Variants in NRXN3 observed in about 807,000 individuals in gnomAD.
NRXN3 encodes neurexin 3.
In NRXN3, 32 loss-of-function variants were observed where a neutral mutation model predicts 137.6. The observed-to-expected ratio is 0.23, with a 90% CI of 0.18 to 0.31. The LOEUF (loss-of-function observed/expected upper bound fraction) is 0.31. NRXN3 is among the 10% of genes least tolerant of loss of function. The pLI, the probability that NRXN3 is intolerant of heterozygous loss-of-function variation, is 1.00. For missense variants in NRXN3, 1,574 were observed against 2,062.5 expected, an observed-to-expected ratio of 0.76 and a Z score of 4.59; for synonymous variants, 798 against 784.5, an observed-to-expected ratio of 1.02 and a Z score of -0.29.
In NRXN3 at chr14:79,089,523, C is replaced by T. The variant is rs142062926; in HGVS notation, c.3262+101382C>T. On this transcript the variant is annotated intron_variant, in intron 15 of 20. Transcript: ENST00000335750. ...CCTTGTTCAACAGTTATTTCATACA[C>T]GAATGAGAAAGGCCAAACATAGTCA... Among the ~76,000 whole-genome samples the T allele has an allele frequency of 2.2e-4, 34 of 152,262 alleles. No homozygotes were observed. In the East Asian group the frequency reaches 6.4e-3, roughly 29 times the overall value.
intron 14 of NRXN3, among the ~76,000 whole-genome samples, chr14:78,976,528 C>G (rs775675176): frequency 2.6e-5 from 4 of 152,190 alleles, no homozygotes; most frequent in Middle Eastern, 3.4e-3. Context: ...TTTAATTCCC[C>G]AACTGTCTTT....
chr14:79,114,803 C>G (rs1018013871), intron 15 of NRXN3, among the ~76,000 whole-genome samples: 11 of 152,098 alleles, frequency 7.2e-5, no homozygotes, highest in African/African-American at 2.7e-4. Context: ...GCTGAGATTA[C>G]AGGTGTGAGC....
intron 4 of NRXN3, among the ~76,000 whole-genome samples, chr14:78,599,229 G>C (rs1369242867): frequency 6.6e-6 from 1 of 152,212 alleles, no homozygotes; most frequent in Non-Finnish European, 1.5e-5. Context: ...AAGGAAATGA[G>C]GGGAAATAGC....
intron 11 of NRXN3, among the ~76,000 whole-genome samples, chr14:78,964,838 C>A (rs1466336147): frequency 2.6e-5 from 4 of 151,684 alleles, no homozygotes; most frequent in Admixed American, 2.6e-4. Flanking sequence ...TCACTCACCA[C>A]TTCTAGGTAA....
intron 15 of NRXN3, among the ~76,000 whole-genome samples, chr14:79,230,074 C>G (rs527667128): frequency 2.0e-5 from 3 of 152,278 alleles, no homozygotes; most frequent in African/African-American, 7.2e-5. Context: ...ATGCAGCAAT[C>G]TGCTGCACTT....
At chr14:79,848,283 G>A (rs774228969) in intron 20 of NRXN3, among the ~76,000 whole-genome samples, 18 of 152,160 alleles carry the variant, frequency 1.2e-4, no homozygotes, top group Non-Finnish European at 2.5e-4. Context: ...TCTTAGTCTT[G>A]CCACTGTGTG....
At chr14:78,316,017 A>G (rs1165623473) in intron 4 of NRXN3, among the ~76,000 whole-genome samples, 2 of 152,156 alleles carry the variant, frequency 1.3e-5, no homozygotes, top group African/African-American at 2.4e-5. Context: ...TCTTGTAGCT[A>G]GAGGTTGGCC....
chr14:78,394,042 C>G (rs938555229), intron 4 of NRXN3, among the ~76,000 whole-genome samples: 1 of 151,812 alleles, frequency 6.6e-6, no homozygotes, highest in Non-Finnish European at 1.5e-5. Context: ...ATGTTATCTG[C>G]AAATAATGAC....
chr14:78,306,754 C>G (rs1190215090), intron 4 of NRXN3, among the ~76,000 whole-genome samples: 2 of 152,114 alleles, frequency 1.3e-5, no homozygotes, highest in African/African-American at 2.4e-5. Context: ...AGCAGATCCT[C>G]TGCTTCAATA....
chr14:78,861,750 C>G (rs948580659), intron 10 of NRXN3, among the ~76,000 whole-genome samples: 70 of 152,052 alleles, frequency 4.6e-4, no homozygotes, highest in African/African-American at 1.3e-3. Context: ...TAATTCAATA[C>G]TGTTTTAAAC....
rs2061054509 is a variant in NRXN3 at position 79,164,049 on chromosome 14, T to C, written c.3262+175908T>C. On this transcript the variant is annotated intron_variant, in intron 15 of 20. Coordinates refer to ENST00000335750, the MANE Select transcript of NRXN3 (RefSeq NM_001330195.2). The stretch of plus-strand genomic sequence containing the variant: ...TTGTCTTGAACATCTTACTCTGACC[T>C]CACTAGCTCTTCACTTACCAATTTG... 3.9e-5 allele frequency among the ~76,000 whole-genome samples: 6 copies of C among 151,936 alleles called. No homozygotes were observed. The South Asian group carries it at 1.2e-3, about 31-fold the overall frequency.
At chr14:78,366,480 TC>T (rs930953873) in intron 4 of NRXN3, among the ~76,000 whole-genome samples, 1 of 152,240 alleles carries the variant, frequency 6.6e-6, no homozygotes, top group African/African-American at 2.4e-5. Context: ...AGAAGTAATT[TC>T]CCATAATTCC....
At chr14:78,240,305 C>CTTGA (rs1027043751) in intron 1 of NRXN3, among the ~76,000 whole-genome samples, 1 of 152,160 alleles carries the variant, frequency 6.6e-6, no homozygotes, top group African/African-American at 2.4e-5. Flanking sequence ...GGCAGATGCA[C>CTTGA]TTGAATGTGT....
At chr14:78,202,303 AGT>A (rs1485727226) in intron 1 of NRXN3, among the ~76,000 whole-genome samples, 1 of 152,252 alleles carries the variant, frequency 6.6e-6, no homozygotes, top group African/African-American at 2.4e-5. Context: ...TAAAGTAAAA[AGT>A]GAAATGAAAT....
chr14:78,830,234 G>T (rs1425113792), intron 10 of NRXN3, among the ~76,000 whole-genome samples: 1 of 152,050 alleles, frequency 6.6e-6, no homozygotes, highest in Non-Finnish European at 1.5e-5. Flanking sequence ...AAATATCTAA[G>T]TTACTCGTAG....
chr14:78,284,362 A>G (rs1241693029), intron 3 of NRXN3, among the ~76,000 whole-genome samples: 1 of 152,090 alleles, frequency 6.6e-6, no homozygotes, highest in Non-Finnish European at 1.5e-5. Context: ...GACCTAACCA[A>G]TGTACTTCTT....
At chr14:79,541,975 T>G (rs568711866) in intron 16 of NRXN3, among the ~76,000 whole-genome samples, 2 of 152,346 alleles carry the variant, frequency 1.3e-5, no homozygotes, top group South Asian at 4.1e-4. Flanking sequence ...AATGTGTATC[T>G]TGATTAAATC....
chr14:78,332,217 T>C (rs1271485516), intron 4 of NRXN3, among the ~76,000 whole-genome samples: 1 of 152,180 alleles, frequency 6.6e-6, no homozygotes, highest in East Asian at 1.9e-4. Context: ...CCTCGATAAA[T>C]ATCTTTTCCC....
intron 2 of NRXN3, among the ~76,000 whole-genome samples, chr14:78,275,831 A>G (rs2073502595): frequency 1.3e-5 from 2 of 152,168 alleles, no homozygotes; most frequent in African/African-American, 4.8e-5. Flanking sequence ...GACTGCTACA[A>G]GAAGAAGAGG....
Sources: allele counts gnomAD v4.1 joint callset (sites outside exome capture counted in the v4.1 genomes callset), GRCh38; gene constraint gnomAD v4.1.1; transcripts MANE v1.5; gene names NCBI Gene and HGNC (gene_info 2026-07-23, HGNC 2026-07-21).